MYH3: variants seen among roughly 807,000 people sequenced by gnomAD.
MYH3 encodes the protein myosin-3.
In MYH3, 130 loss-of-function variants were observed where a neutral mutation model predicts 238.0. The ratio of observed to expected loss-of-function variants is 0.55; its 90% CI spans 0.47 to 0.63. The LOEUF (loss-of-function observed/expected upper bound fraction) is 0.63. Ranked by LOEUF, MYH3 falls within the 30% of genes least tolerant of loss-of-function variation. MYH3 has a pLI of 0.00. For synonymous variants in MYH3, 880 were observed against 924.1 expected, an observed-to-expected ratio of 0.95 and a Z score of 0.86; for missense variants, 1,853 against 2,374.9, an observed-to-expected ratio of 0.78 and a Z score of 4.57.
At chr17:10,659,453 GTTTC>G (rs1411423594), upstream of MYH3, among the ~76,000 whole-genome samples, 5 of 152,152 alleles carry the variant, frequency 3.3e-5, no homozygotes, top group Non-Finnish European at 5.9e-5. Context: ...GATCTTGGCA[GTTTC>G]TTTTAGTCTG....
intron 12 of MYH3, 77 bp from the exon 13 acceptor site, chr17:10,644,779 G>T: frequency 8.3e-7 from 1 of 1,202,878 alleles, no homozygotes. Flanking sequence ...TCAAAGGTTG[G>T]TTAAGTTCAT....
chr17:10,630,238 G>A (rs1409046472), intron 37 of MYH3, 42 bp from the exon 38 acceptor site: 3 of 1,613,102 alleles, frequency 1.9e-6, no homozygotes, highest in Non-Finnish European at 1.7e-6. Context: ...GCTGCAGCGT[G>A]ATTGGGAGGC....
chr17:10,670,555 T>C, the MYH3 span, among the ~76,000 whole-genome samples: 33 of 152,178 alleles, frequency 2.2e-4, no homozygotes, highest in African/African-American at 8.0e-4. This position sits in a 1 kb window ranked among gnomAD's most constrained non-coding sequence, Gnocchi z 7.0. Flanking sequence ...GCAGTCCTCC[T>C]AGTTCAGCCT....
At chr17:10,677,464 G>A in the MYH3 span, 2 of 152,114 alleles carry the variant, frequency 1.3e-5, no homozygotes, top group Non-Finnish European at 2.9e-5. Flanking sequence ...ACCAAAAAAG[G>A]TTTGGGAGAT....
At chr17:10,650,014 C>T (rs2074360107) in intron 6 of MYH3, among the ~76,000 whole-genome samples, 1 of 152,048 alleles carries the variant, frequency 6.6e-6, no homozygotes, top group South Asian at 2.1e-4. Flanking sequence ...CTCTGCTGCC[C>T]AGGCTGGAGT....
chr17:10,628,669 T>C lies in MYH3; in HGVS notation c.5807A>G (p.His1936Arg), dbSNP rs1341398702. 1 of 1,614,108 alleles carries C rather than the reference T, an allele frequency of 6.2e-7. No individual in the cohort carries two copies. Among genetic ancestry groups the C allele is most frequent in the Admixed American group, 1.7e-5 (1 of 60,006 alleles). ...AGGGCTGGCTCACTCTTCACTCTCG[T>C]GGACCACCATCTAGGAAGAAAGTAG... The part of the protein sequence containing the change: ...RDFTSSRMVV[H>R]ESEE The change falls in exon 41 of 41, where the codon CAC becomes CGC. Residue 1936 changes from histidine to arginine, a missense_variant. By Grantham distance (29) the His-to-Arg change is conservative. Coordinates refer to ENST00000583535, the MANE Select transcript of MYH3 (RefSeq NM_002470.4).
chr17:10,642,162 C>A lies in MYH3; in HGVS notation c.1959+78G>T. 7.5e-7 allele frequency: 1 copy of A among 1,340,684 alleles called. No individual in the cohort carries two copies. Among genetic ancestry groups the A allele is most frequent in the Non-Finnish European group, 1.1e-6 (1 of 946,200 alleles). 83.0% of individuals were successfully genotyped at this position (1,340,684 alleles called of 1,614,324 possible). On this transcript the variant is annotated intron_variant, in intron 17 of 40. Coordinates refer to ENST00000583535, the MANE Select transcript of MYH3 (RefSeq NM_002470.4). The surrounding 1 kb of genome is among the most constrained non-coding windows in gnomAD (Gnocchi z 5.4). ...ACAACACTACTACTCTCAAATAAAT[C>A]AAGCTTAGAATCTCAGCATTGCTCA...
chr17:10,662,418 G>T, the MYH3 span, among the ~76,000 whole-genome samples: 28 of 152,134 alleles, frequency 1.8e-4, no homozygotes, highest in African/African-American at 6.5e-4. Context: ...TTAACACTTT[G>T]CCAGTTTGCT....
In MYH3 at chr17:10,630,357, A is replaced by G. The variant is rs369578405; in HGVS notation, c.5388T>C (p.His1796=). ...CCAGCTGCTCGGCCTCATCTAGACG[A>G]TGCTGCAGGTCCTTCACCGTCTGTT... The part of the protein sequence containing the change: ...NLEQTVKDLQ[H]RLDEAEQLAL... The change falls in exon 37 of 41, where the codon CAT becomes CAC. Residue 1796 remains histidine, a synonymous_variant. Coordinates refer to ENST00000583535, the MANE Select transcript of MYH3 (RefSeq NM_002470.4). 126 of 1,614,034 alleles carry G rather than the reference A, an allele frequency of 7.8e-5. 3 individuals carry two copies. The East Asian group carries it at 9.1e-4, about 12-fold the overall frequency.
chr17:10,629,900 T>C lies in MYH3; in HGVS notation c.5600A>G (p.Asp1867Gly), dbSNP rs1449886993. Residue 1867 changes from aspartate (D) to glycine (G), a missense_variant, in exon 39 of 41, where the codon GAT becomes GGT. Around this residue, in one of 3 missense-constraint regions of MYH3, gnomAD observed 1,044 missense variants for 1,192.6 expected, o/e 0.88. Transcript: ENST00000583535. ...EDRKNVLRLQ[D>G]LVDKLQVKVK... Reference sequence around the variant, plus strand: ...TTTCACTTGCAGTTTATCCACCAGATCCTGCAATCTCAGCACATTCTTCCT... The same window carrying C: ...TTTCACTTGCAGTTTATCCACCAGACCCTGCAATCTCAGCACATTCTTCCT... 1 of 1,614,048 alleles carries C rather than the reference T, an allele frequency of 6.2e-7. No homozygotes were observed. The highest frequency in any genetic ancestry group is 1.3e-5 in the African/African-American group (1 of 74,912).
At chr17:10,661,516 C>A (rs1217240053), upstream of MYH3, among the ~76,000 whole-genome samples, 5 of 152,038 alleles carry the variant, frequency 3.3e-5, no homozygotes, top group Admixed American at 1.3e-4. Context: ...CAGGGATAAT[C>A]CCCACAGCCA....
Position 10,642,352 on chromosome 17 carries a change from A to T in MYH3, c.1889-42T>A. The T allele has an allele frequency of 1.2e-6, 2 of 1,613,936 alleles. No individual in the cohort carries two copies. The highest frequency in any genetic ancestry group is 1.7e-6 in the Non-Finnish European group (2 of 1,179,806). On this transcript the variant is annotated intron_variant, in intron 16 of 40. Transcript: ENST00000583535. The surrounding 1 kb of genome is among the most constrained non-coding windows in gnomAD (Gnocchi z 5.4). ...AGGGCACGTGCTGTAGGTGAATCTA[A>T]AAGGTTTTTTGTTACTGTGGAACAA...
At chr17:10,647,779 G>A (rs1044800063) in intron 8 of MYH3, among the ~76,000 whole-genome samples, 30 of 152,220 alleles carry the variant, frequency 2.0e-4, no homozygotes, top group African/African-American at 6.0e-4. Context: ...TCTTGACCTC[G>A]TGATCCGCCC....
At position 10,645,715 on chromosome 17, in the gene MYH3, C is replaced by T. The variant is rs2142410600; in HGVS notation, c.1133G>A (p.Gly378Asp). 6.2e-7 allele frequency: 1 copy of T among 1,612,656 alleles called. No individual in the cohort carries two copies. The highest frequency in any genetic ancestry group is 8.5e-7 in the Non-Finnish European group (1 of 1,179,994). ...KQREEQAEPD[G>D]TEVADKTAYL... ...TCACACTGATTTTGTACCTTCTGTG[C>T]CATCCGGCTCGGCCTGCTCCTCTCG... is the stretch of plus-strand genomic sequence containing the variant. Residue 378 changes from glycine to aspartate, a missense_variant, in exon 12 of 41, where the codon GGC becomes GAC. Around this residue, in one of 3 missense-constraint regions of MYH3, gnomAD observed 678 missense variants for 1,058.9 expected, o/e 0.64. Transcript: ENST00000583535.
chr17:10,645,986 G>C lies in MYH3; in HGVS notation c.945C>G (p.Ser315Arg), dbSNP rs1242513605. 6.2e-7 allele frequency: 1 copy of C among 1,614,006 alleles called. No homozygotes were observed. The highest frequency in any genetic ancestry group is 8.5e-7 in the Non-Finnish European group (1 of 1,179,994). Reference sequence around the variant, plus strand: ...TGCTGGCCACCAGGATCTCCCCCTGGCTAATGAACGGGTAGTCGTAAGGGT... The same window carrying C: ...TGCTGGCCACCAGGATCTCCCCCTGCCTAATGAACGGGTAGTCGTAAGGGT... ...TTNPYDYPFI[S>R]QGEILVASID... The change falls in exon 11 of 41, where the codon AGC (serine) becomes AGG (arginine). Residue 315 changes from serine (S) to arginine (R), a missense_variant. Physicochemically the swap from Ser to Arg is moderately radical, Grantham distance 110 (BLOSUM62 -1). This residue lies in a region of MYH3 where 678 missense variants were observed against 1,058.9 expected (regional missense o/e 0.64). Coordinates refer to ENST00000583535, the MANE Select transcript of MYH3 (RefSeq NM_002470.4).
rs776080198 is a variant in MYH3 at position 10,642,949 on chromosome 17, C to T, written c.1458G>A (p.Leu486=). 1.2e-6 allele frequency: 2 copies of T among 1,614,166 alleles called. No individual in the cohort carries two copies. The highest frequency in any genetic ancestry group is 1.1e-5 in the South Asian group (1 of 91,078). ...QLCINFTNEK[L]QQFFNHHMFV... ...ACATGTGGTGGTTGAAAAACTGTTG[C>T]AGTTTCTCATTGGTGAAGTTGATGC... The change falls in exon 15 of 41, where the codon CTG becomes CTA. Residue 486 remains leucine (L), a synonymous_variant. Coordinates refer to ENST00000583535, the MANE Select transcript of MYH3 (RefSeq NM_002470.4). This position sits in a 1 kb window ranked among gnomAD's most constrained non-coding sequence, Gnocchi z 5.4.
intron 6 of MYH3, 97 bp downstream of exon 6, chr17:10,650,277 G>C (rs1225207207): frequency 2.3e-6 from 3 of 1,327,156 alleles, no homozygotes; most frequent in Non-Finnish European, 3.2e-6. Flanking sequence ...CGCCCAGCCT[G>C]ATCTTTTTAT....
intron 28 of MYH3, among the ~76,000 whole-genome samples, chr17:10,637,446 A>C (rs2074226113): frequency 6.6e-6 from 1 of 152,166 alleles, no homozygotes; most frequent in Non-Finnish European, 1.5e-5. Flanking sequence ...GCAGACAATG[A>C]ATATCTGAGT....
Position 10,642,470 on chromosome 17 carries a change from T to C in MYH3, c.1835A>G (p.Lys612Arg). The C allele has an allele frequency of 1.2e-6, 2 of 1,614,214 alleles. No individual in the cohort carries two copies. Among genetic ancestry groups the C allele is most frequent in the East Asian group, 2.2e-5 (1 of 44,870 alleles). Residue 612 changes from lysine (K) to arginine (R), a missense_variant, in exon 16 of 41, where the codon AAG becomes AGG. This residue lies in a region of MYH3 where 678 missense variants were observed against 1,058.9 expected (regional missense o/e 0.64). Transcript: ENST00000583535. This position sits in a 1 kb window ranked among gnomAD's most constrained non-coding sequence, Gnocchi z 5.4. ...GTGTGCCAGGAGCCTGTTGGAAGAC[T>C]TCTGGTACAGCCCAACCACAGTCTC... ...LNETVVGLYQ[K>R]SSNRLLAHLY...
Sources: allele counts gnomAD v4.1 joint callset (sites outside exome capture counted in the v4.1 genomes callset), GRCh38; gene constraint gnomAD v4.1.1; regional missense constraint gnomAD v4.1.1; non-coding constraint Gnocchi (gnomAD v3.1); transcripts MANE v1.5; gene names NCBI Gene and HGNC (gene_info 2026-07-23, HGNC 2026-07-21).